The following PRUNE2 variants were observed in gnomAD, a reference collection of about 807,000 sequenced individuals.
The protein encoded by PRUNE2 is prune homolog 2 with BCH domain, also known as protein prune homolog 2.
In PRUNE2, 164 loss-of-function variants were observed where a neutral mutation model predicts 252.0. That is an observed-to-expected ratio of 0.65 (90% CI 0.57 to 0.74). The LOEUF (loss-of-function observed/expected upper bound fraction) is 0.74, where lower values mean the gene tolerates loss of function less well. Ranked by LOEUF, PRUNE2 falls within the 30% of genes least tolerant of loss-of-function variation. The pLI, the probability that PRUNE2 is intolerant of heterozygous loss-of-function variation, is 0.00. For missense variants in PRUNE2, 3,495 were observed against 3,711.0 expected (o/e 0.94, Z 1.51); for synonymous variants, 1,292 against 1,350.2 (o/e 0.96, Z 0.94).
chr9:76,869,961 T>C (rs1278986604), intron 1 of PRUNE2, among the ~76,000 whole-genome samples: 1 of 152,186 alleles, frequency 6.6e-6, no homozygotes, highest in Non-Finnish European at 1.5e-5. Context: ...GATCATTAAC[T>C]AAATAGATTA....
chr9:76,688,323 AT>A (rs2044323430), intron 9 of PRUNE2, among the ~76,000 whole-genome samples: 1 of 152,210 alleles, frequency 6.6e-6, no homozygotes, highest in African/African-American at 2.4e-5. Context: ...AGGCTGATGA[AT>A]CAGATGTGGT....
At chr9:76,856,942 C>T (rs759891161) in intron 1 of PRUNE2, 14 of 381,710 alleles carry the variant, frequency 3.7e-5, no homozygotes, top group African/African-American at 2.1e-4. Context: ...TTAGTAGAGA[C>T]GGAGTTTCAC....
chr9:76,672,988 A>C (rs1449683418), intron 9 of PRUNE2, among the ~76,000 whole-genome samples: 7 of 149,242 alleles, frequency 4.7e-5, no homozygotes, highest in Non-Finnish European at 9.0e-5. Flanking sequence ...ATCACAATTA[A>C]AAGAACTAGA....
rs562057066 is a variant in PRUNE2, at chr9:76,624,922, C to T, written c.9150-432G>A. The T allele has an allele frequency of 1.4e-4, 89 of 655,326 alleles. 1 individual carries two copies. In the African/African-American group the frequency reaches 1.4e-3, roughly 10 times the overall value. The allele number at this position is 655,326 out of a possible 1,614,324, so 40.6% of individuals were successfully genotyped here. On this transcript the variant is annotated intron_variant, in intron 16 of 18. Coordinates refer to ENST00000376718, the MANE Select transcript of PRUNE2 (RefSeq NM_015225.3). ...GAAAATGGCATACAAAAGACTGATA[C>T]AGTGACCTCTTGCTCTGGTAGCTTG...
chr9:76,710,079 T>C lies in PRUNE2; in HGVS notation c.2195A>G (p.Asp732Gly), dbSNP rs1564118986. 1 of 1,613,938 alleles carries C rather than the reference T, an allele frequency of 6.2e-7. No individual in the cohort carries two copies. The highest frequency in any genetic ancestry group is 2.2e-5 in the East Asian group (1 of 44,874). Reference protein sequence around the residue: ...QPELGSNDIQDKNEESLPFQN... With the variant: ...QPELGSNDIQGKNEESLPFQN... ...GAACGGCAAGCTTTCCTCATTTTTG[T>C]CTTGAATATCATTGCTACCCAGTTC... The change falls in exon 8 of 19, where the codon GAC becomes GGC. Residue 732 changes from aspartate (D) to glycine (G), a missense_variant. Transcript: ENST00000376718.
chr9:76,713,626 T>G lies in PRUNE2; in HGVS notation c.852A>C (p.Ser284=). Residue 284 remains serine (S), a synonymous_variant, in exon 7 of 19, where the codon TCA becomes TCC. Transcript: ENST00000376718. ...TCTGTCGTCTCGGCTGCTGCTCCTC[T>G]GACAGATAGCTGGAGAACAGGATGA... ...DVLILFSSYL[S]EEQQPRRQIA... 4 of 1,605,052 alleles carry G rather than the reference T, an allele frequency of 2.5e-6. No individual in the cohort carries two copies. The highest frequency in any genetic ancestry group is 3.4e-6 in the Non-Finnish European group (4 of 1,175,738).
chr9:76,801,640 G>A (rs938786606), intron 6 of PRUNE2, among the ~76,000 whole-genome samples: 2 of 151,980 alleles, frequency 1.3e-5, no homozygotes, highest in African/African-American at 2.4e-5. Flanking sequence ...AAAGTTTAAA[G>A]GTAAACTCTG....
chr9:76,839,481 A>G (rs1004159635), intron 4 of PRUNE2, among the ~76,000 whole-genome samples: 2 of 152,226 alleles, frequency 1.3e-5, no homozygotes, highest in Non-Finnish European at 2.9e-5. Flanking sequence ...AGTTTGGCAT[A>G]TTTGAAAAGC....
At chr9:76,772,233 G>A (rs10119901) in intron 6 of PRUNE2, among the ~76,000 whole-genome samples, 83,492 of 151,972 alleles carry the variant, frequency 0.55, 24,747 homozygotes, top group African/African-American at 0.78. Context: ...CACTACAGAG[G>A]GAAATAACAG....
intron 17 of PRUNE2, among the ~76,000 whole-genome samples, chr9:76,622,978 T>C (rs949481429): frequency 2.0e-5 from 3 of 152,170 alleles, no homozygotes; most frequent in African/African-American, 4.8e-5. Flanking sequence ...ATAATAAAAA[T>C]GTACCATAGG....
intron 1 of PRUNE2, among the ~76,000 whole-genome samples, chr9:76,894,918 C>T (rs2062728155): frequency 6.6e-6 from 1 of 152,088 alleles, no homozygotes; most frequent in Non-Finnish European, 1.5e-5. Flanking sequence ...CCCAGCTACT[C>T]AGGAGGTTGA....
intron 6 of PRUNE2, among the ~76,000 whole-genome samples, chr9:76,767,344 G>A (rs906814147): frequency 4.6e-5 from 7 of 151,898 alleles, no homozygotes; most frequent in East Asian, 1.9e-4. Context: ...CCAGCTACTC[G>A]AGAGGCCGAG....
intron 3 of PRUNE2, among the ~76,000 whole-genome samples, chr9:76,849,740 C>A (rs539171035): frequency 1.3e-5 from 2 of 151,934 alleles, no homozygotes; most frequent in Non-Finnish European, 2.9e-5. Context: ...GCAAGAGAAT[C>A]GCTTGAACCT....
intron 4 of PRUNE2, among the ~76,000 whole-genome samples, chr9:76,837,196 A>C (rs12236042): frequency 0.38 from 57,792 of 151,882 alleles, 11,167 homozygotes; most frequent in South Asian, 0.45. Context: ...GTAATCCCAG[A>C]ACTTTGGGAG....
intron 2 of PRUNE2, among the ~76,000 whole-genome samples, chr9:76,851,254 T>C (rs1461622859): frequency 6.6e-6 from 1 of 152,066 alleles, no homozygotes; most frequent in African/African-American, 2.4e-5. Context: ...TAGTTAAAAC[T>C]TTAAATTAAC....
At chr9:76,731,333 T>A (rs2048585060) in intron 6 of PRUNE2, among the ~76,000 whole-genome samples, 2 of 138,584 alleles carry the variant, frequency 1.4e-5, no homozygotes, top group Admixed American at 7.1e-5. Context: ...TATTTTTTTT[T>A]TTTTTTTGAG....
chr9:76,631,061 G>GC (rs1303117346), intron 15 of PRUNE2, among the ~76,000 whole-genome samples: 14 of 152,208 alleles, frequency 9.2e-5, no homozygotes, highest in Non-Finnish European at 2.9e-5. Flanking sequence ...TTGGCCCTGG[G>GC]CCCAAGACAC....
At chr9:76,718,626 T>C (rs1156475464) in intron 6 of PRUNE2, among the ~76,000 whole-genome samples, 1 of 152,186 alleles carries the variant, frequency 6.6e-6, no homozygotes, top group Non-Finnish European at 1.5e-5. Context: ...CTCTTCCTTA[T>C]TAAGCCTCCA....
At chr9:76,660,781 C>CAAAAAAAAAAAAA (rs11432174) in intron 9 of PRUNE2, among the ~76,000 whole-genome samples, 20 of 100,844 alleles carry the variant, frequency 2.0e-4, no homozygotes, top group African/African-American at 3.2e-4. Flanking sequence ...GACTCTGAAT[C>CAAAAAAAAAAAAA]AAAAAAAAAA....
Sources: allele counts gnomAD v4.1 joint callset (sites outside exome capture counted in the v4.1 genomes callset), GRCh38; gene constraint gnomAD v4.1.1; transcripts MANE v1.5; gene names NCBI Gene and HGNC (gene_info 2026-07-23, HGNC 2026-07-21).